The following SPATA7 variants were observed in gnomAD, a reference collection of about 807,000 sequenced individuals.
The protein encoded by SPATA7 is spermatogenesis-associated protein 7.
A neutral mutation model predicts 51.8 loss-of-function variants in SPATA7; 43 were observed. The ratio of observed to expected loss-of-function variants is 0.83; its 90% confidence interval spans 0.65 to 1.07. SPATA7 has a LOEUF of 1.07. Ranked by LOEUF, SPATA7 falls within the 50% of genes least tolerant of loss-of-function variation. SPATA7 has a pLI of 0.00. For missense variants in SPATA7, 683 were observed against 701.3 expected, an observed-to-expected ratio of 0.97 and a Z score of 0.30; for synonymous variants, 230 against 252.8, an observed-to-expected ratio of 0.91 and a Z score of 0.86.
In SPATA7 at chr14:88,467,308, T is replaced by A. The variant is rs193009107; in HGVS notation, c.255-2539T>A. On this transcript the variant is annotated intron_variant, in intron 4 of 4. Transcript: ENST00000556406. Reference sequence around the variant, plus strand: ...AGTGCTTAAAACCACCCTAGGCAATTGTTTTTCACTTCATTTTCAACCAAT... The same window carrying A: ...AGTGCTTAAAACCACCCTAGGCAATAGTTTTTCACTTCATTTTCAACCAAT... The A allele has an allele frequency of 3.3e-5, 5 of 152,372 alleles. No individual in the cohort carries two copies. In the East Asian group the frequency reaches 9.6e-4, roughly 29 times the overall value. 9.4% of individuals were successfully genotyped at this position (152,372 alleles called of 1,614,324 possible). A position where few individuals can be genotyped will look rare whatever the true frequency, so the allele number is the denominator to read the frequency against.
chr14:88,415,236 C>A, intron 4 of SPATA7: 2 of 358,656 alleles, frequency 5.6e-6, no homozygotes, highest in Non-Finnish European at 5.9e-6. Context: ...TCTGGGTGCT[C>A]CAGTGTTGGG....
At chr14:88,439,349 T>C (rs2140033381), downstream of SPATA7, among the ~76,000 whole-genome samples, 1 of 152,218 alleles carries the variant, frequency 6.6e-6, no homozygotes, top group East Asian at 1.9e-4. Context: ...TCTGAAGCCC[T>C]CTCCTACCCT....
rs28446288 is a variant in SPATA7, at chr14:88,454,589, G to A, written c.178-471G>A. Reference sequence around the variant, plus strand: ...AGGCCAAGATGGGAGGATCGCTTGAGCTCAAGAGTTCAAGACCGACCAGCC... The same window carrying A: ...AGGCCAAGATGGGAGGATCGCTTGAACTCAAGAGTTCAAGACCGACCAGCC... On this transcript the variant is annotated intron_variant, in intron 3 of 3. Coordinates refer to the SPATA7 transcript ENST00000554802. 7.6e-3 allele frequency among the ~76,000 whole-genome samples: 1,152 copies of A among 152,206 alleles called. 14 individuals carry two copies. Among genetic ancestry groups the A allele is most frequent in the African/African-American group, 0.026 (1,096 of 41,520 alleles).
Position 88,468,783 on chromosome 14 carries a change from G to C in SPATA7, c.255-1064G>C, listed in dbSNP as rs548825670. 8.4e-6 allele frequency: 9 copies of C among 1,067,794 alleles called. No individual in the cohort carries two copies. In the East Asian group the frequency reaches 1.7e-4, roughly 20 times the overall value. 66.1% of individuals were successfully genotyped at this position (1,067,794 alleles called of 1,614,324 possible). On this transcript the variant is annotated intron_variant, in intron 4 of 4. Transcript: ENST00000556406. ...CCAAGAAGACACAGCCTTTTGCAGG[G>C]AACATTAGTAACATCTTGAGGCCAC... is the stretch of plus-strand genomic sequence containing the variant.
intron 4 of SPATA7, among the ~76,000 whole-genome samples, chr14:88,412,685 AC>A (rs1448635904): frequency 2.0e-5 from 3 of 152,106 alleles, no homozygotes; most frequent in Non-Finnish European, 4.4e-5. Context: ...ATTAGCCATC[AC>A]AATTCTTGAT....
chr14:88,457,922 A>T (rs1245679534), downstream of SPATA7, among the ~76,000 whole-genome samples: 1 of 152,072 alleles, frequency 6.6e-6, no homozygotes, highest in East Asian at 1.9e-4. Flanking sequence ...ATTTATTGAG[A>T]GTTTTTAGCA....
intron 4 of SPATA7, among the ~76,000 whole-genome samples, chr14:88,414,905 G>T (rs117847229): frequency 6.6e-6 from 1 of 151,548 alleles, no homozygotes; most frequent in African/African-American, 2.4e-5. Flanking sequence ...TTTTTCCACC[G>T]TGGTCCAAAA....
At chr14:88,438,607 G>A, downstream of SPATA7, 7 of 649,688 alleles carry the variant, frequency 1.1e-5, no homozygotes, top group Non-Finnish European at 1.9e-5. Flanking sequence ...AGGAGTGTAG[G>A]CACAGCTTAG....
At chr14:88,401,126 G>A (rs2076045149) in intron 4 of SPATA7, among the ~76,000 whole-genome samples, 1 of 152,128 alleles carries the variant, frequency 6.6e-6, no homozygotes, top group Admixed American at 6.6e-5. Context: ...GAATTCAATT[G>A]CATGTTAAAA....
At chr14:88,413,201 TTGTG>T (rs1051890135) in intron 4 of SPATA7, among the ~76,000 whole-genome samples, 1 of 152,202 alleles carries the variant, frequency 6.6e-6, no homozygotes, top group African/African-American at 2.4e-5. Flanking sequence ...GTTTTTCCGT[TTGTG>T]TGTGTCAGCT....
chr14:88,436,998 CTG>C (rs1405707716), intron 10 of SPATA7, among the ~76,000 whole-genome samples: 1 of 149,396 alleles, frequency 6.7e-6, no homozygotes, highest in East Asian at 1.9e-4. Flanking sequence ...TGCATTGACT[CTG>C]TAGATTGCTT....
chr14:88,416,488 G>T, intron 4 of SPATA7: 18 of 274,628 alleles, frequency 6.6e-5, no homozygotes, highest in Middle Eastern at 1.2e-3. Context: ...AATCCATTTA[G>T]AATTTCTATA....
At chr14:88,427,205 A>G (rs1469365634) in intron 6 of SPATA7, among the ~76,000 whole-genome samples, 1 of 152,202 alleles carries the variant, frequency 6.6e-6, no homozygotes. Flanking sequence ...AATTAAGTAT[A>G]ATTTGCCTCA....
chr14:88,404,948 A>C (rs1002824976), intron 4 of SPATA7, among the ~76,000 whole-genome samples: 10 of 152,198 alleles, frequency 6.6e-5, no homozygotes, highest in Admixed American at 6.5e-4. Context: ...GGAGAAGACA[A>C]ACAATAAGCA....
chr14:88,446,122 C>G (rs112060031), intron 3 of SPATA7, among the ~76,000 whole-genome samples: 6,217 of 150,918 alleles, frequency 0.041, 166 homozygotes, highest in South Asian at 0.091. Flanking sequence ...GTCCTGGACT[C>G]TTTGGTTGGT....
At chr14:88,435,666 G>A (rs567832337) in intron 10 of SPATA7, among the ~76,000 whole-genome samples, 2 of 152,186 alleles carry the variant, frequency 1.3e-5, no homozygotes, top group South Asian at 2.1e-4. Flanking sequence ...CCACAAATAC[G>A]TGGGAGAATG....
intron 4 of SPATA7, among the ~76,000 whole-genome samples, chr14:88,413,673 C>T (rs2076399821): frequency 6.6e-6 from 1 of 151,678 alleles, no homozygotes; most frequent in African/African-American, 2.4e-5. Context: ...ATGATGTTGG[C>T]TGTGGACTTG....
At chr14:88,426,788 C>A in intron 6 of SPATA7, 84 bp downstream of exon 6, 1 of 1,267,330 alleles carries the variant, frequency 7.9e-7, no homozygotes, top group Non-Finnish European at 1.1e-6. Context: ...TTTCTGCTGC[C>A]AGCCTTAAGA....
chr14:88,433,600 T>C (rs1441999605), intron 10 of SPATA7, among the ~76,000 whole-genome samples: 1 of 152,162 alleles, frequency 6.6e-6, no homozygotes, highest in Non-Finnish European at 1.5e-5. Context: ...TTAGATCTAG[T>C]AAAATGAGAA....
Sources: gnomAD v4.1 joint callset for allele counts (sites outside exome capture counted in the v4.1 genomes callset) on GRCh38, gnomAD v4.1.1 for gene constraint, MANE v1.5 for transcripts, NCBI Gene and HGNC (gene_info 2026-07-23, HGNC 2026-07-21) for gene names.